Variants in VMA22 observed in about 807,000 individuals in gnomAD.
VMA22 encodes vacuolar ATPase assembly protein VMA22.
chr2:130,338,893 G>A, the VMA22 span: 1 of 537,190 alleles, frequency 1.9e-6, no homozygotes, highest in Non-Finnish European at 3.4e-6. Flanking sequence ...GTGTCCTATG[G>A]GAACTCAGGC....
the VMA22 span, chr2:130,341,716 C>T: frequency 6.2e-7 from 1 of 1,611,692 alleles, no homozygotes; most frequent in Non-Finnish European, 8.5e-7. Context: ...CAGCTCTCAC[C>T]ACCTTGAACT....
chr2:130,341,088 T>TA, the VMA22 span: 1 of 1,518,572 alleles, frequency 6.6e-7, no homozygotes, highest in Non-Finnish European at 8.8e-7. Flanking sequence ...CCCTGACCTT[T>TA]ATCATCTTGG....
chr2:130,342,304 G>T, the VMA22 span: 1 of 1,205,430 alleles, frequency 8.3e-7, no homozygotes, highest in Non-Finnish European at 1.1e-6. Flanking sequence ...TAGAGAAGCA[G>T]CACGGAAGCA....
At chr2:130,340,964 C>T in the VMA22 span, 6 of 1,613,924 alleles carry the variant, frequency 3.7e-6, no homozygotes, top group Admixed American at 6.7e-5. Flanking sequence ...GATTCCAAAC[C>T]AGTTCAGGGG....
chr2:130,342,653 A>G, the VMA22 span: 1 of 496,618 alleles, frequency 2.0e-6, no homozygotes, highest in East Asian at 3.1e-5. Context: ...ACGAGGATGG[A>G]GAAGCCTGGG....
the VMA22 span, chr2:130,342,152 C>T: frequency 1.2e-6 from 2 of 1,611,576 alleles, no homozygotes; most frequent in Non-Finnish European, 1.7e-6. Context: ...CTGGAGCCAC[C>T]TTCTTCCTTG....
chr2:130,342,115 A>G, the VMA22 span: 4 of 1,613,608 alleles, frequency 2.5e-6, no homozygotes, highest in Non-Finnish European at 3.4e-6. Flanking sequence ...TCGCAGGTCA[A>G]GCGCCGCCAT....
the VMA22 span, chr2:130,339,134 G>T: frequency 6.2e-7 from 1 of 1,613,616 alleles, no homozygotes; most frequent in East Asian, 2.2e-5. Flanking sequence ...GCAGCCCCAG[G>T]CTCCAGCTGC....
the VMA22 span, chr2:130,339,340 C>T: frequency 5.8e-4 from 779 of 1,333,800 alleles, 5 homozygotes; most frequent in African/African-American, 9.7e-3. Context: ...CTCTGCCCCC[C>T]ACACTTGTCC....
the VMA22 span, chr2:130,341,666 C>T: frequency 6.2e-7 from 1 of 1,610,390 alleles, no homozygotes; most frequent in Non-Finnish European, 8.5e-7. Flanking sequence ...AGGGGGCTCA[C>T]CTGCTTCGCG....
At chr2:130,342,393 G>C in the VMA22 span, 6 of 594,844 alleles carry the variant, frequency 1.0e-5, no homozygotes, top group Non-Finnish European at 1.7e-5. Flanking sequence ...AGGTGGTTCT[G>C]AGTCCTTCCG....
the VMA22 span, chr2:130,338,297 T>C: frequency 7.2e-5 from 11 of 152,236 alleles, no homozygotes; most frequent in Admixed American, 1.3e-4. Context: ...ATTCAACTGT[T>C]CTGTGCAGTT....
At chr2:130,339,056 C>G in the VMA22 span, 2 of 1,246,824 alleles carry the variant, frequency 1.6e-6, no homozygotes, top group African/African-American at 3.0e-5. Flanking sequence ...AGGAAGAAGG[C>G]CTGAGATCAC....
the VMA22 span, chr2:130,342,049 C>G: frequency 1.2e-6 from 2 of 1,613,994 alleles, no homozygotes; most frequent in Non-Finnish European, 1.7e-6. Context: ...CGTTCGTTTC[C>G]CCTCCAGCTC....
At chr2:130,341,127 T>A in the VMA22 span, 1 of 1,412,266 alleles carries the variant, frequency 7.1e-7, no homozygotes, top group Non-Finnish European at 9.4e-7. Context: ...TCTGAGCTCA[T>A]GATTCTATAA....
chr2:130,338,370 G>A, the VMA22 span: 1 of 152,246 alleles, frequency 6.6e-6, no homozygotes, highest in African/African-American at 2.4e-5. Flanking sequence ...TGGAAAATAA[G>A]ACTTACATCT....
At chr2:130,341,809 G>A in the VMA22 span, 8 of 378,262 alleles carry the variant, frequency 2.1e-5, no homozygotes, top group African/African-American at 1.8e-4. Flanking sequence ...GCGCCCGCCC[G>A]CCCACCCAGC....
chr2:130,341,092 A>G, the VMA22 span: 5 of 1,508,562 alleles, frequency 3.3e-6, no homozygotes, highest in Non-Finnish European at 4.4e-6. Context: ...GACCTTTATC[A>G]TCTTGGTGAC....
the VMA22 span, chr2:130,339,681 G>A: frequency 1.5e-6 from 2 of 1,304,402 alleles, no homozygotes; most frequent in Non-Finnish European, 2.0e-6. Context: ...CTCGTCTTCG[G>A]CCTCCTGTTC....
Sources: gnomAD v4.1 joint callset for allele counts on GRCh38, gnomAD v4.1.1 for gene constraint, MANE v1.5 for transcripts, NCBI Gene and HGNC (gene_info 2026-07-23, HGNC 2026-07-21) for gene names.